SDHAF4: variants seen among roughly 807,000 people sequenced by gnomAD.
SDHAF4 encodes succinate dehydrogenase assembly factor 4, mitochondrial.
A neutral mutation model predicts 14.3 loss-of-function variants in SDHAF4; 14 were observed. That is an observed-to-expected ratio of 0.98 (90% CI 0.65 to 1.53). SDHAF4 has a LOEUF of 1.53. Ranked by LOEUF, SDHAF4 falls within the 40% of genes most tolerant of loss-of-function variation. SDHAF4 has a pLI of 0.00. For missense variants in SDHAF4, 141 were observed against 129.3 expected, an observed-to-expected ratio of 1.09 and a Z score of -0.44; for synonymous variants, 63 against 47.3, an observed-to-expected ratio of 1.33 and a Z score of -1.36.
intron 2 of SDHAF4, among the ~76,000 whole-genome samples, chr6:70,587,199 A>ACACACACACACACACACAC (rs1439822024): frequency 2.7e-5 from 2 of 75,450 alleles, no homozygotes; most frequent in East Asian, 2.7e-4. Flanking sequence ...CACACACACA[A>ACACACACACACACACACAC]GAATTAGGGG....
intron 1 of SDHAF4, chr6:70,567,370 A>C (rs1464802507): frequency 4.0e-6 from 1 of 248,494 alleles, no homozygotes; most frequent in East Asian, 8.7e-5. Context: ...GCCCTTTGGG[A>C]ATGGGAGTCA....
chr6:70,577,745 T>C (rs1430771817), intron 1 of SDHAF4, among the ~76,000 whole-genome samples: 1 of 152,184 alleles, frequency 6.6e-6, no homozygotes, highest in Non-Finnish European at 1.5e-5. Flanking sequence ...CAGTTTGTAT[T>C]GTTGCCTTCT....
At chr6:70,577,629 G>A (rs902047734) in intron 1 of SDHAF4, among the ~76,000 whole-genome samples, 2 of 152,154 alleles carry the variant, frequency 1.3e-5, no homozygotes, top group Non-Finnish European at 2.9e-5. Flanking sequence ...GTGTGATGCT[G>A]AGATTTGGGA....
chr6:70,593,212 A>G (rs9455182), downstream of SDHAF4, among the ~76,000 whole-genome samples: 32,668 of 152,226 alleles, frequency 0.21, 3,905 homozygotes, highest in African/African-American at 0.31. Flanking sequence ...AGAGGGCACA[A>G]GCAGTGAGCC....
chr6:70,591,116 A>G (rs766647232), downstream of SDHAF4, among the ~76,000 whole-genome samples: 5 of 152,118 alleles, frequency 3.3e-5, no homozygotes, highest in Non-Finnish European at 5.9e-5. Flanking sequence ...ACCAGTTCCA[A>G]TGCTAATCTC....
In SDHAF4 at chr6:70,583,772, T is replaced by G. The variant is rs140348117; in HGVS notation, c.217+4206T>G. Among the ~76,000 whole-genome samples, 13 of 152,328 alleles carry G rather than the reference T, an allele frequency of 8.5e-5. 1 individual carries two copies. Among genetic ancestry groups the G allele is most frequent in the African/African-American group, 3.1e-4 (13 of 41,580 alleles). On this transcript the variant is annotated intron_variant, in intron 2 of 2. Coordinates refer to ENST00000370474, the MANE Select transcript of SDHAF4 (RefSeq NM_145267.3). The stretch of plus-strand genomic sequence containing the variant: ...TTGTGTTGGGCCACATTCAAAGCCA[T>G]CCTGGGCCACATGCAGCCCGTGGAC...
In SDHAF4 at chr6:70,588,707, C is replaced by T. The variant is rs201373841; in HGVS notation, c.310C>T (p.Arg104Cys). Reference sequence around the variant, plus strand: ...ATATGGAGATTGGGAACGAAAAGGACGCTGTATTGATTTTTAAGTCGCATA... The same window carrying T: ...ATATGGAGATTGGGAACGAAAAGGATGCTGTATTGATTTTTAAGTCGCATA... ...TRYGDWERKG[R>C]CIDF The change falls in exon 3 of 3, where the codon CGC becomes TGC. Residue 104 changes from arginine (R) to cysteine (C), a missense_variant. Physicochemically the swap from Arg to Cys is radical, Grantham distance 180. Coordinates refer to ENST00000370474, the MANE Select transcript of SDHAF4 (RefSeq NM_145267.3). 145 of 1,601,248 alleles carry T rather than the reference C, an allele frequency of 9.1e-5. No homozygotes were observed. Among genetic ancestry groups the T allele is most frequent in the Middle Eastern group, 1.7e-4 (1 of 6,026 alleles).
intron 1 of SDHAF4, among the ~76,000 whole-genome samples, chr6:70,572,715 TTGTA>T (rs1802200665): frequency 6.6e-6 from 1 of 152,106 alleles, no homozygotes; most frequent in Admixed American, 6.5e-5. Flanking sequence ...TCCGGTTTGT[TTGTA>T]TGGGGGTTTT....
rs202098262 is a variant in SDHAF4, at chr6:70,573,264, C to CTTTTTTTTTTTTTTTTTTTTT, written c.65-6133_65-6132insTTTTTTTTTTTTTTTTTTTTT. Among the ~76,000 whole-genome samples, 5 of 110,456 alleles carry CTTTTTTTTTTTTTTTTTTTTT rather than the reference C, an allele frequency of 4.5e-5. 1 individual carries two copies. Among genetic ancestry groups the CTTTTTTTTTTTTTTTTTTTTT allele is most frequent in the South Asian group, 5.3e-4 (2 of 3,780 alleles). The allele number at this position is 110,456 out of a possible 152,430, so 72.5% of individuals were successfully genotyped here. ...AATTGTATTTATTCTGCTATTTGGC[C>CTTTTTTTTTTTTTTTTTTTTT]TTTTTTTTTTTTTTTTTGAGACGGA... On this transcript the variant is annotated intron_variant, in intron 1 of 2. Coordinates refer to ENST00000370474, the MANE Select transcript of SDHAF4 (RefSeq NM_145267.3).
the SDHAF4 span, among the ~76,000 whole-genome samples, chr6:70,595,610 G>T: frequency 1.3e-5 from 2 of 152,120 alleles, no homozygotes; most frequent in African/African-American, 4.8e-5. Flanking sequence ...GGCTGGACTT[G>T]GTGGCTCATG....
At chr6:70,595,628 T>C in the SDHAF4 span, among the ~76,000 whole-genome samples, 3 of 152,180 alleles carry the variant, frequency 2.0e-5, no homozygotes, top group African/African-American at 7.2e-5. Context: ...ATGCCTGTAA[T>C]CCCAGCACTT....
chr6:70,572,338 T>G (rs1375638500), intron 1 of SDHAF4, among the ~76,000 whole-genome samples: 3 of 152,164 alleles, frequency 2.0e-5, no homozygotes, highest in Non-Finnish European at 4.4e-5. Flanking sequence ...TTCTTTGTTA[T>G]AAGTTATGCA....
At chr6:70,597,441 A>G in the SDHAF4 span, among the ~76,000 whole-genome samples, 15 of 151,796 alleles carry the variant, frequency 9.9e-5, 1 homozygote, top group East Asian at 5.8e-4. Context: ...GAGGCACCGC[A>G]TCAGGCCACT....
chr6:70,573,026 GAGC>G (rs1430011310), intron 1 of SDHAF4, among the ~76,000 whole-genome samples: 1 of 151,990 alleles, frequency 6.6e-6, no homozygotes, highest in Non-Finnish European at 1.5e-5. Context: ...CCAGGATAGA[GAGC>G]AGTAGTGCAG....
rs1562057140 is a variant in SDHAF4, at chr6:70,579,418, A to T, written c.69A>T (p.Ser23=). 1.9e-6 allele frequency: 3 copies of T among 1,585,184 alleles called. No individual in the cohort carries two copies. Among genetic ancestry groups the T allele is most frequent in the Non-Finnish European group, 2.6e-6 (3 of 1,165,984 alleles). ...VSATAWRAAR[S]PLLCHSLRKT... ...CTATTATCTCCACTCTTCTAGGATC[A>T]CCCCTTCTGTGTCATTCTCTGAGGA... is the stretch of plus-strand genomic sequence containing the variant. The change falls in exon 2 of 3, where the codon TCA becomes TCT. Residue 23 remains serine (S), a synonymous_variant. Coordinates refer to ENST00000370474, the MANE Select transcript of SDHAF4 (RefSeq NM_145267.3).
intron 1 of SDHAF4, among the ~76,000 whole-genome samples, chr6:70,571,818 GTTA>G (rs373957658): frequency 6.6e-6 from 1 of 151,932 alleles, no homozygotes; most frequent in African/African-American, 2.4e-5. Flanking sequence ...TTCTATAATG[GTTA>G]TTATTATATT....
intron 1 of SDHAF4, chr6:70,567,754 C>G (rs373449988): frequency 6.6e-6 from 1 of 152,200 alleles, no homozygotes; most frequent in South Asian, 2.1e-4. Context: ...GGCGCAATCT[C>G]GGCTCACTGC....
chr6:70,567,148 C>A, intron 1 of SDHAF4, 144 bp downstream of exon 1: 1 of 814,296 alleles, frequency 1.2e-6, no homozygotes, highest in African/African-American at 1.8e-5. Flanking sequence ...CGCCCAGCCG[C>A]CCACCCGGTG....
At chr6:70,594,713 G>T in the SDHAF4 span, among the ~76,000 whole-genome samples, 1 of 152,166 alleles carries the variant, frequency 6.6e-6, no homozygotes, top group South Asian at 2.1e-4. Context: ...AGAAGTTCAA[G>T]ACCAGCCTGA....
Sources: allele counts gnomAD v4.1 joint callset (sites outside exome capture counted in the v4.1 genomes callset), GRCh38; gene constraint gnomAD v4.1.1; transcripts MANE v1.5; gene names NCBI Gene and HGNC (gene_info 2026-07-23, HGNC 2026-07-21).